BRAF: variants seen among roughly 807,000 people sequenced by gnomAD.
BRAF encodes the protein serine/threonine-protein kinase B-raf.
BRAF carries 16 observed loss-of-function variants against 104.6 expected under a neutral mutation model. That is an observed-to-expected ratio of 0.15 (90% CI 0.10 to 0.23). BRAF has a LOEUF of 0.23. Among genes scored for constraint, BRAF ranks in the 10% least tolerant of loss-of-function variants. The pLI is 1.00. For synonymous variants in BRAF, 310 were observed against 341.6 expected, an observed-to-expected ratio of 0.91 and a Z score of 1.02; for missense variants, 541 against 937.3, an observed-to-expected ratio of 0.58 and a Z score of 5.52.
At chr7:140,909,328 G>A (rs1311070707) in intron 1 of BRAF, among the ~76,000 whole-genome samples, 1 of 152,186 alleles carries the variant, frequency 6.6e-6, no homozygotes, top group Non-Finnish European at 1.5e-5. Flanking sequence ...GGGAGGCTGA[G>A]GCAGGAGAAT....
chr7:140,783,292 G>A, intron 10 of BRAF, 135 bp from the exon 10 acceptor site: 1 of 1,126,802 alleles, frequency 8.9e-7, no homozygotes, highest in Admixed American at 2.7e-5. Context: ...TTTTGGAAAG[G>A]ATGGGCCAAA....
At chr7:140,912,622 C>A (rs1308569936) in intron 1 of BRAF, among the ~76,000 whole-genome samples, 1 of 152,218 alleles carries the variant, frequency 6.6e-6, no homozygotes, top group Non-Finnish European at 1.5e-5. Flanking sequence ...CTCTGTTCCC[C>A]TTTACAGGAT....
chr7:140,849,902 G>T (rs1808975883), intron 2 of BRAF, among the ~76,000 whole-genome samples: 1 of 152,000 alleles, frequency 6.6e-6, no homozygotes, highest in South Asian at 2.1e-4. Flanking sequence ...CCTTAGTTCT[G>T]ATGTTTTCTA....
intron 1 of BRAF, among the ~76,000 whole-genome samples, chr7:140,893,097 C>T (rs2129119025): frequency 6.6e-6 from 1 of 152,066 alleles, no homozygotes; most frequent in East Asian, 1.9e-4. Context: ...CCCAAAATGG[C>T]AGGAAGGGGA....
intron 7 of BRAF, chr7:140,799,424 G>C (rs909922479): frequency 5.2e-5 from 12 of 232,076 alleles, no homozygotes; most frequent in African/African-American, 2.7e-4. Context: ...TCTGCTTAAA[G>C]ACCTTTAAGT....
chr7:140,785,881 G>C (rs1801302775), intron 9 of BRAF: 1 of 397,906 alleles, frequency 2.5e-6, no homozygotes, highest in Non-Finnish European at 4.4e-6. Flanking sequence ...AGAAGTCATG[G>C]GGAATAAACA....
At chr7:140,734,921 C>A (rs1472568137) in intron 18 of BRAF, 151 bp from the exon 18 acceptor site, 5 of 852,630 alleles carry the variant, frequency 5.9e-6, no homozygotes, top group Non-Finnish European at 8.6e-6. Flanking sequence ...CACCTGAAAT[C>A]TTACATTGTT....
intron 1 of BRAF, among the ~76,000 whole-genome samples, chr7:140,877,220 A>G (rs1440243696): frequency 6.8e-6 from 1 of 147,392 alleles, no homozygotes; most frequent in Non-Finnish European, 1.5e-5. Context: ...GTGGGATGCA[A>G]ATACAGTAGT....
At chr7:140,737,096 T>C (rs1796507950) in intron 18 of BRAF, among the ~76,000 whole-genome samples, 1 of 152,250 alleles carries the variant, frequency 6.6e-6, no homozygotes, top group East Asian at 1.9e-4. Context: ...TTCTGTCTTG[T>C]TTTCTTTTTC....
Position 140,834,648 on chromosome 7 carries a change from A to C in BRAF, c.465T>G (p.Pro155=). 1 of 1,614,144 alleles carries C rather than the reference A, an allele frequency of 6.2e-7. No individual in the cohort carries two copies. The highest frequency in any genetic ancestry group is 8.5e-7 in the Non-Finnish European group (1 of 1,180,008). ...ARSNPKSPQK[P]IVRVFLPNKQ... ...TGTTGGGCAGGAAGACTCTAACGAT[A>C]GGTTTTTGTGGTGACTTGGGGTTGC... The change falls in exon 3 of 20, where the codon CCT becomes CCG. Residue 155 remains proline (P), a synonymous_variant. Transcript: ENST00000644969.
intron 17 of BRAF, chr7:140,747,433 T>C (rs1272278155): frequency 7.8e-7 from 1 of 1,288,606 alleles, no homozygotes; most frequent in African/African-American, 1.5e-5. Flanking sequence ...TATACTCCCA[T>C]GGAGGACAAA....
chr7:140,857,641 C>G (rs1172172651), intron 1 of BRAF, among the ~76,000 whole-genome samples: 3 of 152,068 alleles, frequency 2.0e-5, no homozygotes, highest in African/African-American at 7.2e-5. Context: ...GTAACAACAA[C>G]ACAATGACTA....
intron 2 of BRAF, chr7:140,836,309 G>C (rs1442311804): frequency 3.3e-5 from 5 of 152,026 alleles, no homozygotes; most frequent in Admixed American, 3.3e-4. Flanking sequence ...AAACAATAAG[G>C]CTGAAAAGGT....
intron 1 of BRAF, among the ~76,000 whole-genome samples, chr7:140,852,778 A>C (rs1809328254): frequency 6.6e-6 from 1 of 152,130 alleles, no homozygotes; most frequent in Non-Finnish European, 1.5e-5. Context: ...TAGTATACCT[A>C]ATAGGCATTT....
chr7:140,743,048 A>G (rs1409797443), intron 17 of BRAF, among the ~76,000 whole-genome samples: 12 of 152,332 alleles, frequency 7.9e-5, no homozygotes, highest in African/African-American at 2.4e-4. Flanking sequence ...AGTTAGAATC[A>G]CAATCATTAA....
intron 19 of BRAF, chr7:140,732,910 G>A (rs749610672): frequency 6.6e-6 from 1 of 152,120 alleles, no homozygotes; most frequent in Admixed American, 6.6e-5. Flanking sequence ...ATTTGTGAAT[G>A]AATAAAACCC....
chr7:140,785,728 C>T lies in BRAF; in HGVS notation c.1258G>A (p.Glu420Lys), dbSNP rs1801287498. The change falls in exon 10 of 20, where the codon GAA becomes AAA. Residue 420 changes from glutamate (E) to lysine (K), a missense_variant. Around this residue, in one of 10 missense-constraint regions of BRAF, gnomAD observed 109 missense variants for 143.9 expected, o/e 0.76. Coordinates refer to ENST00000644969, the MANE Select transcript of BRAF (RefSeq NM_001374258.1). ...PSPLLHSVPS[E>K]IVFDFEPGPV... ...CCAGGCTCAAAATCAAACACTATTT[C>T]ACTGGGGACAGAATGTAGGAGGGGA... 5.0e-6 allele frequency: 2 copies of T among 398,956 alleles called. No individual in the cohort carries two copies. Among genetic ancestry groups the T allele is most frequent in the Non-Finnish European group, 8.8e-6 (2 of 226,112 alleles). 24.7% of individuals were successfully genotyped at this position (398,956 alleles called of 1,614,324 possible).
chr7:140,816,988 G>A (rs1586271814), intron 3 of BRAF, among the ~76,000 whole-genome samples: 1 of 151,946 alleles, frequency 6.6e-6, no homozygotes, highest in East Asian at 1.9e-4. Flanking sequence ...AAAAAAAAGG[G>A]TATCCAAATT....
chr7:140,859,649 A>AT (rs1306918392), intron 1 of BRAF, among the ~76,000 whole-genome samples: 1 of 150,726 alleles, frequency 6.6e-6, no homozygotes, highest in Non-Finnish European at 1.5e-5. Flanking sequence ...TCCAAAAATA[A>AT]TTTTTCCCCC....
Sources: gnomAD v4.1 joint callset for allele counts (sites outside exome capture counted in the v4.1 genomes callset) on GRCh38, gnomAD v4.1.1 for gene constraint, gnomAD v4.1.1 regional missense constraint, MANE v1.5 for transcripts, NCBI Gene and HGNC (gene_info 2026-07-23, HGNC 2026-07-21) for gene names.